The following ARPP21 variants were observed in gnomAD, a reference collection of about 807,000 sequenced individuals.
The protein encoded by ARPP21 is cAMP regulated phosphoprotein 21, also known as cAMP-regulated phosphoprotein 21.
A neutral mutation model predicts 113.2 loss-of-function variants in ARPP21; 69 were observed. The ratio of observed to expected loss-of-function variants is 0.61; its 90% CI spans 0.50 to 0.74. ARPP21 has a LOEUF of 0.74. Ranked by LOEUF, ARPP21 falls within the 30% of genes least tolerant of loss-of-function variation. The probability of loss-of-function intolerance (pLI) is 0.00; values close to 1 mark genes in which losing one functional copy is unlikely to be tolerated. For missense variants in ARPP21, 1,070 were observed against 1,037.4 expected (o/e 1.03, Z -0.43); for synonymous variants, 368 against 375.5 (o/e 0.98, Z 0.23).
intron 11 of ARPP21, 129 bp from the exon 12 acceptor site, chr3:35,715,310 T>A (rs1289456152): frequency 1.4e-6 from 1 of 717,744 alleles, no homozygotes; most frequent in Non-Finnish European, 2.4e-6. Flanking sequence ...TTTATTTCTA[T>A]CTTTTGTACC....
chr3:35,684,555 G>C (rs988321220), intron 5 of ARPP21: 1 of 985,420 alleles, frequency 1.0e-6, no homozygotes, highest in African/African-American at 1.7e-5. Context: ...TGGTCTTGCT[G>C]CTGAAATTGT....
At chr3:35,664,823 C>T (rs1470208452) in intron 1 of ARPP21, among the ~76,000 whole-genome samples, 1 of 152,144 alleles carries the variant, frequency 6.6e-6, no homozygotes, top group Non-Finnish European at 1.5e-5. Context: ...CTCCCAGCAG[C>T]TGCTGCTCTG....
chr3:35,702,130 G>T (rs766028513), intron 9 of ARPP21, among the ~76,000 whole-genome samples: 3 of 151,252 alleles, frequency 2.0e-5, no homozygotes, highest in African/African-American at 7.3e-5. Context: ...CTGTTATCCC[G>T]CCATCAGACA....
intron 19 of ARPP21, chr3:35,744,472 C>A (rs776997139): frequency 1.9e-6 from 1 of 529,372 alleles, no homozygotes; most frequent in Non-Finnish European, 3.9e-6. Flanking sequence ...AGCCCGGCAG[C>A]CACTGTGCAG....
At chr3:35,739,825 C>T (rs1326576693) in intron 18 of ARPP21, among the ~76,000 whole-genome samples, 1 of 152,120 alleles carries the variant, frequency 6.6e-6, no homozygotes, top group Non-Finnish European at 1.5e-5. Flanking sequence ...TCCCATTTTC[C>T]AGGCTGCTGG....
At chr3:35,695,973 C>T (rs2083843871) in intron 9 of ARPP21, among the ~76,000 whole-genome samples, 1 of 151,528 alleles carries the variant, frequency 6.6e-6, no homozygotes, top group South Asian at 2.1e-4. Flanking sequence ...TATTTGACCT[C>T]AAATCCAGGA....
intron 5 of ARPP21, chr3:35,685,806 C>A: frequency 1.2e-6 from 1 of 830,574 alleles, no homozygotes; most frequent in Non-Finnish European, 1.5e-6. Context: ...TTATCCTGTA[C>A]CAATGTATTT....
intron 1 of ARPP21, among the ~76,000 whole-genome samples, chr3:35,658,755 C>T (rs1443546595): frequency 1.3e-5 from 2 of 151,976 alleles, no homozygotes; most frequent in Non-Finnish European, 2.9e-5. Flanking sequence ...GAACTGACCC[C>T]TTTTTGGCCC....
At position 35,689,288 on chromosome 3, in the gene ARPP21, G is replaced by A. The variant is rs532948901; in HGVS notation, c.407-19G>A. ...TTCCACCATCATTCCTGACAGCTCCGTCCTGCTATTTGTTTCAGATTGCAG... is the reference window on the plus strand; with the variant it reads ...TTCCACCATCATTCCTGACAGCTCCATCCTGCTATTTGTTTCAGATTGCAG... On this transcript the variant is annotated intron_variant, in intron 6 of 20. Transcript: ENST00000684406. 3.9e-5 allele frequency: 48 copies of A among 1,226,144 alleles called. No individual in the cohort carries two copies. The highest frequency in any genetic ancestry group is 1.4e-4 in the East Asian group (6 of 42,912). 76.0% of individuals were successfully genotyped at this position (1,226,144 alleles called of 1,614,324 possible).
chr3:35,685,969 T>G (rs1166178355), intron 5 of ARPP21: 1 of 213,720 alleles, frequency 4.7e-6, no homozygotes, highest in Admixed American at 6.6e-5. Context: ...GTATAGTATT[T>G]GTCAACACAT....
chr3:35,678,571 A>G (rs540189784), intron 1 of ARPP21, among the ~76,000 whole-genome samples: 6 of 152,088 alleles, frequency 3.9e-5, no homozygotes, highest in East Asian at 2.0e-4. Context: ...TGGAAGAAAC[A>G]TAGTTTAAAG....
At chr3:35,791,476 AT>A (rs1274879138) in intron 19 of ARPP21, among the ~76,000 whole-genome samples, 1 of 152,134 alleles carries the variant, frequency 6.6e-6, no homozygotes, top group Non-Finnish European at 1.5e-5. Flanking sequence ...CCACTGTGTC[AT>A]TTTCACCTAA....
intron 19 of ARPP21, 29 bp downstream of exon 19, chr3:35,743,994 C>G: frequency 6.2e-7 from 1 of 1,613,434 alleles, no homozygotes; most frequent in Non-Finnish European, 8.5e-7. Context: ...CCATTTGCTT[C>G]TCAACCCAGT....
At chr3:35,711,009 C>A (rs1559703529) in intron 11 of ARPP21, among the ~76,000 whole-genome samples, 1 of 152,214 alleles carries the variant, frequency 6.6e-6, no homozygotes, top group African/African-American at 2.4e-5. Context: ...TGTGAGAAAT[C>A]TTAAATGTCA....
intron 9 of ARPP21, among the ~76,000 whole-genome samples, chr3:35,703,603 A>G (rs1011403898): frequency 4.6e-5 from 7 of 151,904 alleles, no homozygotes; most frequent in Admixed American, 4.6e-4. Flanking sequence ...GATAATATAG[A>G]GAAAGATAGA....
Position 35,721,840 on chromosome 3 carries a change from T to A in ARPP21, c.1225+6T>A. The A allele has an allele frequency of 6.4e-7, 1 of 1,571,040 alleles. No homozygotes were observed. Among genetic ancestry groups the A allele is most frequent in the East Asian group, 2.3e-5 (1 of 43,836 alleles). ...CGGGAAGCTGTCCAAAGCAGGTAGTTAGTACTGAATGTGTTTATGTCCTGT... is the reference window on the plus strand; with the variant it reads ...CGGGAAGCTGTCCAAAGCAGGTAGTAAGTACTGAATGTGTTTATGTCCTGT... On this transcript the variant is annotated splice_donor_region_variant and intron_variant, in intron 14 of 20. Coordinates refer to ENST00000684406, the MANE Select transcript of ARPP21 (RefSeq NM_001385562.1).
At chr3:35,749,624 A>AT (rs1340926107) in intron 19 of ARPP21, among the ~76,000 whole-genome samples, 26 of 152,030 alleles carry the variant, frequency 1.7e-4, no homozygotes, top group Non-Finnish European at 2.8e-4. Context: ...TCTTCTTTAA[A>AT]TGTTTGTTAG....
intron 1 of ARPP21, among the ~76,000 whole-genome samples, chr3:35,648,160 T>C (rs1017658480): frequency 6.6e-6 from 1 of 152,194 alleles, no homozygotes; most frequent in African/African-American, 2.4e-5. Context: ...TAGTAACTAA[T>C]CTCAGAAGTG....
intron 19 of ARPP21, among the ~76,000 whole-genome samples, chr3:35,776,205 C>T (rs1311915273): frequency 2.0e-5 from 3 of 152,010 alleles, no homozygotes; most frequent in African/African-American, 7.2e-5. Context: ...AGAATATTAT[C>T]AATAATATGT....
Sources: gnomAD v4.1 joint callset for allele counts (sites outside exome capture counted in the v4.1 genomes callset) on GRCh38, gnomAD v4.1.1 for gene constraint, MANE v1.5 for transcripts, NCBI Gene and HGNC (gene_info 2026-07-23, HGNC 2026-07-21) for gene names.